Variants in SND1 observed in about 807,000 individuals in gnomAD.
SND1 encodes the protein staphylococcal nuclease domain-containing protein 1.
Under a neutral mutation model 121.7 loss-of-function variants are expected in SND1, and 38 were observed. That is an observed-to-expected ratio of 0.31 (90% CI 0.24 to 0.41). SND1 has a LOEUF of 0.41. SND1 is among the 10% of genes least tolerant of loss of function. The pLI is 1.00. For missense variants in SND1, 868 were observed against 1,184.6 expected, an observed-to-expected ratio of 0.73 and a Z score of 3.92; for synonymous variants, 401 against 447.4, an observed-to-expected ratio of 0.90 and a Z score of 1.31.
At chr7:127,763,496 A>G (rs1797342711) in intron 10 of SND1, among the ~76,000 whole-genome samples, 1 of 152,114 alleles carries the variant, frequency 6.6e-6, no homozygotes, top group Non-Finnish European at 1.5e-5. Flanking sequence ...ACGGGTGCAC[A>G]CTACCATGCC....
chr7:127,942,918 G>T (rs1801247967), intron 15 of SND1, among the ~76,000 whole-genome samples: 1 of 152,106 alleles, frequency 6.6e-6, no homozygotes, highest in Admixed American at 6.5e-5. Context: ...GAGTCTCATT[G>T]CTGCACATGG....
intron 14 of SND1, among the ~76,000 whole-genome samples, chr7:127,925,849 C>T (rs1193669928): frequency 1.3e-5 from 2 of 151,726 alleles, no homozygotes; most frequent in African/African-American, 4.8e-5. Context: ...CCTGCCTCCG[C>T]GTCCCAAAGT....
intron 14 of SND1, among the ~76,000 whole-genome samples, chr7:127,914,332 C>T (rs927858710): frequency 2.6e-5 from 4 of 152,134 alleles, no homozygotes; most frequent in Non-Finnish European, 5.9e-5. Flanking sequence ...CTTCTTTTTG[C>T]AATGCTGTCT....
At chr7:128,013,708 A>C (rs190965775) in intron 16 of SND1, among the ~76,000 whole-genome samples, 2 of 152,330 alleles carry the variant, frequency 1.3e-5, no homozygotes, top group African/African-American at 4.8e-5. Flanking sequence ...GCAGTTCACT[A>C]TAGGGTTCAA....
intron 16 of SND1, among the ~76,000 whole-genome samples, chr7:128,047,433 C>G (rs912149748): frequency 3.3e-5 from 5 of 152,348 alleles, no homozygotes; most frequent in African/African-American, 1.2e-4. Context: ...GATTATTTCA[C>G]TAATATTTTT....
intron 16 of SND1, among the ~76,000 whole-genome samples, chr7:128,013,073 G>A (rs566545823): frequency 2.0e-5 from 3 of 152,252 alleles, no homozygotes; most frequent in South Asian, 4.1e-4. Context: ...CAGAGTCAGC[G>A]TTGGTCCCAC....
In SND1 at chr7:127,911,708, G is replaced by C. The variant is rs542028573; in HGVS notation, c.1527+6889G>C. 9.9e-5 allele frequency among the ~76,000 whole-genome samples: 15 copies of C among 152,198 alleles called. No individual in the cohort carries two copies. In the South Asian group the frequency reaches 2.9e-3, roughly 29 times the overall value. On this transcript the variant is annotated intron_variant, in intron 14 of 23. Coordinates refer to ENST00000354725, the MANE Select transcript of SND1 (RefSeq NM_014390.4). ...GTAGAGACGGGGTTTCACCATGTTG[G>C]TCAGGCTGGTCTTGAACTCCTGACC... is the stretch of plus-strand genomic sequence containing the variant.
intron 10 of SND1, among the ~76,000 whole-genome samples, chr7:127,755,947 G>C (rs948382337): frequency 6.6e-6 from 1 of 152,194 alleles, no homozygotes; most frequent in African/African-American, 2.4e-5. Context: ...TTGATAATGG[G>C]AAGTCTATTA....
In SND1 at chr7:127,686,733, C is replaced by T; in HGVS notation, c.199C>T (p.Gln67Ter). ...GNLARRAAAT[Q>*]PDAKDTPDEP... Reference sequence around the variant, plus strand: ...TCTTGCTCGCCGGGCAGCCGCCACACAACCTGATGCAAAGGATACCCCTGA... The same window carrying T: ...TCTTGCTCGCCGGGCAGCCGCCACATAACCTGATGCAAAGGATACCCCTGA... The change falls in exon 2 of 24, where the codon CAA becomes TAA. Residue 67 changes from glutamine (Q) to a stop codon, truncating the protein, a stop_gained. Transcript: ENST00000354725. LOFTEE classifies it high-confidence loss of function. 1 of 1,614,180 alleles carries T rather than the reference C, an allele frequency of 6.2e-7. No individual in the cohort carries two copies. Among genetic ancestry groups the T allele is most frequent in the South Asian group, 1.1e-5 (1 of 91,076 alleles).
intron 13 of SND1, among the ~76,000 whole-genome samples, chr7:127,898,113 T>A (rs1800155324): frequency 6.6e-6 from 1 of 152,066 alleles, no homozygotes; most frequent in Non-Finnish European, 1.5e-5. Flanking sequence ...TGCCTTGGAG[T>A]TCATAATCCC....
chr7:128,051,450 C>T (rs892538829), intron 16 of SND1, among the ~76,000 whole-genome samples: 2 of 150,402 alleles, frequency 1.3e-5, no homozygotes. Flanking sequence ...CAGCAATTTA[C>T]ATGAAAATTA....
At chr7:127,733,133 C>T (rs1188996678) in intron 10 of SND1, among the ~76,000 whole-genome samples, 1 of 151,996 alleles carries the variant, frequency 6.6e-6, no homozygotes, top group Non-Finnish European at 1.5e-5. Flanking sequence ...TTATTACTGT[C>T]TTGGTGTTGG....
chr7:127,844,462 C>T, intron 12 of SND1, 38 bp downstream of exon 12: 1 of 1,508,764 alleles, frequency 6.6e-7, no homozygotes, highest in Non-Finnish European at 9.2e-7. Context: ...GCTGTCATCT[C>T]AAGTAGCTAA....
chr7:128,084,430 A>G (rs1193871290), intron 18 of SND1, among the ~76,000 whole-genome samples: 2 of 152,180 alleles, frequency 1.3e-5, no homozygotes, highest in Non-Finnish European at 2.9e-5. Flanking sequence ...GCACATCCCA[A>G]GGGCTCCCAC....
At chr7:127,909,859 A>T (rs772439903) in intron 14 of SND1, among the ~76,000 whole-genome samples, 2 of 152,230 alleles carry the variant, frequency 1.3e-5, no homozygotes, top group Non-Finnish European at 2.9e-5. Context: ...GTTGACCAGT[A>T]GGATTCTGAC....
chr7:127,865,927 T>A (rs1481425606), intron 12 of SND1, among the ~76,000 whole-genome samples: 1 of 152,040 alleles, frequency 6.6e-6, no homozygotes, highest in Non-Finnish European at 1.5e-5. Context: ...TTTTTTTTTT[T>A]TTACCACATA....
chr7:127,665,259 T>G (rs1795393366), intron 1 of SND1, among the ~76,000 whole-genome samples: 1 of 151,998 alleles, frequency 6.6e-6, no homozygotes, highest in Non-Finnish European at 1.5e-5. Flanking sequence ...CAATCTTGGC[T>G]TACTGCAAGC....
intron 11 of SND1, among the ~76,000 whole-genome samples, chr7:127,815,431 A>G (rs1798420525): frequency 6.6e-6 from 1 of 152,066 alleles, no homozygotes; most frequent in Non-Finnish European, 1.5e-5. Flanking sequence ...TGGAGGCCGC[A>G]GTGAACCATG....
chr7:127,652,582 G>C, intron 1 of SND1, 131 bp downstream of exon 1: 2 of 761,388 alleles, frequency 2.6e-6, no homozygotes, highest in South Asian at 3.7e-5. Flanking sequence ...ACTTTTCGTC[G>C]ATTCTCCGAA....
Sources: allele counts gnomAD v4.1 joint callset (sites outside exome capture counted in the v4.1 genomes callset), GRCh38; gene constraint gnomAD v4.1.1; transcripts MANE v1.5; gene names NCBI Gene and HGNC (gene_info 2026-07-23, HGNC 2026-07-21).